Variants in EYA4 observed in about 807,000 individuals in gnomAD.
EYA4 encodes protein phosphatase EYA4.
A neutral mutation model predicts 87.9 loss-of-function variants in EYA4; 31 were observed. The observed-to-expected ratio is 0.35, with a 90% confidence interval of 0.27 to 0.48. The LOEUF is 0.48. EYA4 is among the 20% of genes least tolerant of loss of function. EYA4 has a pLI of 0.99. For missense variants in EYA4, 678 were observed against 761.4 expected (o/e 0.89, Z 1.29); for synonymous variants, 263 against 270.6 (o/e 0.97, Z 0.28).
chr6:133,400,567 A>G (rs1265541218), intron 3 of EYA4, among the ~76,000 whole-genome samples: 2 of 152,126 alleles, frequency 1.3e-5, no homozygotes, highest in African/African-American at 4.8e-5. Flanking sequence ...TGCATAAATA[A>G]TCTGTTCTAA....
At chr6:133,455,867 G>A (rs1793856251) in intron 5 of EYA4, among the ~76,000 whole-genome samples, 1 of 152,038 alleles carries the variant, frequency 6.6e-6, no homozygotes, top group Non-Finnish European at 1.5e-5. Context: ...AGGCCACTTT[G>A]TTACCAAGCA....
chr6:133,264,837 T>C (rs1440540208), intron 1 of EYA4, among the ~76,000 whole-genome samples: 1 of 152,112 alleles, frequency 6.6e-6, no homozygotes, highest in East Asian at 1.9e-4. Context: ...TTTCTTTCTT[T>C]CTTTTCTCTA....
intron 2 of EYA4, among the ~76,000 whole-genome samples, chr6:133,357,132 T>G (rs1367959295): frequency 1.4e-4 from 21 of 151,258 alleles, no homozygotes; most frequent in Admixed American, 2.0e-4. Context: ...TTAGCCGGGC[T>G]TCGTGGCGGG....
chr6:133,295,396 G>A (rs78542757), intron 2 of EYA4, among the ~76,000 whole-genome samples: 1 of 152,278 alleles, frequency 6.6e-6, no homozygotes, highest in East Asian at 1.9e-4. Flanking sequence ...TTAAAGTTTT[G>A]CATTGAGATT....
chr6:133,434,978 G>A (rs1256621268), intron 3 of EYA4: 1 of 152,178 alleles, frequency 6.6e-6, no homozygotes, highest in Non-Finnish European at 1.5e-5. Flanking sequence ...TGAATCCTGT[G>A]CCATTCAAAT....
chr6:133,275,957 G>T (rs1339852853), intron 2 of EYA4, among the ~76,000 whole-genome samples: 1 of 152,134 alleles, frequency 6.6e-6, no homozygotes, highest in Non-Finnish European at 1.5e-5. Flanking sequence ...CTTTAGTAAG[G>T]TAAACAGAAA....
At chr6:133,282,851 G>C (rs1777740184) in intron 2 of EYA4, among the ~76,000 whole-genome samples, 1 of 152,166 alleles carries the variant, frequency 6.6e-6, no homozygotes, top group Admixed American at 6.5e-5. Flanking sequence ...GCTAATTCTG[G>C]TCTGGTGAGT....
intron 1 of EYA4, among the ~76,000 whole-genome samples, chr6:133,273,941 A>T (rs1455211221): frequency 6.6e-6 from 1 of 151,846 alleles, no homozygotes; most frequent in Non-Finnish European, 1.5e-5. Context: ...GTTTTAAAAG[A>T]GAGAGCAAGA....
At chr6:133,463,546 T>C (rs1323147020) in intron 9 of EYA4, among the ~76,000 whole-genome samples, 1 of 151,706 alleles carries the variant, frequency 6.6e-6, no homozygotes, top group Non-Finnish European at 1.5e-5. Flanking sequence ...TTTTTAGTAG[T>C]GACGGGGTTT....
rs572687306 is a variant in EYA4 at position 133,244,247 on chromosome 6, T to C, written c.-66+2498T>C. 4.1e-3 allele frequency among the ~76,000 whole-genome samples: 618 copies of C among 152,324 alleles called. 3 individuals are homozygous for C. The highest frequency in any genetic ancestry group is 0.014 in the African/African-American group (588 of 41,580). On this transcript the variant is annotated intron_variant, in intron 1 of 19. Transcript: ENST00000355286. ...AAAGACCATTGTAACTACCGGTTGG[T>C]TCACAATTATAACTAAAATAAGATT...
In EYA4 at chr6:133,530,088, A is replaced by G. The variant is rs1364577894; in HGVS notation, c.*1283A>G. The G allele has an allele frequency of 1.0e-6, 1 of 985,134 alleles. No individual in the cohort carries two copies. The highest frequency in any genetic ancestry group is 1.1e-4 in the East Asian group (1 of 8,826). The allele number at this position is 985,134 out of a possible 1,614,324, so 61.0% of individuals were successfully genotyped here. On this transcript the variant is annotated 3_prime_UTR_variant, in exon 20 of 20. Transcript: ENST00000355286. ...AGGCAGTTCTCCCAGATGGTGTCTAATGAAAGCAATGAGTCTATGAAAATT... is the reference window on the plus strand; with the variant it reads ...AGGCAGTTCTCCCAGATGGTGTCTAGTGAAAGCAATGAGTCTATGAAAATT...
At chr6:133,344,982 GCCTT>G (rs1783084372) in intron 2 of EYA4, among the ~76,000 whole-genome samples, 1 of 152,024 alleles carries the variant, frequency 6.6e-6, no homozygotes, top group South Asian at 2.1e-4. Context: ...TTAAATAGAT[GCCTT>G]CCATTTTAGA....
intron 11 of EYA4, among the ~76,000 whole-genome samples, chr6:133,480,820 T>G (rs1296382858): frequency 6.6e-6 from 1 of 151,660 alleles, no homozygotes; most frequent in African/African-American, 2.4e-5. Context: ...ATAGCACTAG[T>G]ATGCACTATT....
chr6:133,354,937 A>G (rs9389072), intron 2 of EYA4, among the ~76,000 whole-genome samples: 4,747 of 152,294 alleles, frequency 0.031, 174 homozygotes, highest in East Asian at 0.2. Context: ...GAGTCTTTCT[A>G]TACAACCTTG....
rs1800843817 is a variant in EYA4 at position 133,528,891 on chromosome 6, T to C, written c.*86T>C. 1 of 1,607,306 alleles carries C rather than the reference T, an allele frequency of 6.2e-7. No homozygotes were observed. The highest frequency in any genetic ancestry group is 1.3e-5 in the African/African-American group (1 of 74,736). The stretch of plus-strand genomic sequence containing the variant: ...GATTCAATGCCTCTGGCTCTACACA[T>C]ATAAATTGTCTTAATGGATGAAATC... On this transcript the variant is annotated 3_prime_UTR_variant, in exon 20 of 20. Transcript: ENST00000355286.
intron 3 of EYA4, among the ~76,000 whole-genome samples, chr6:133,385,003 C>G (rs1428481205): frequency 2.6e-5 from 4 of 151,678 alleles, no homozygotes; most frequent in African/African-American, 9.7e-5. Flanking sequence ...CTTTTTTGCT[C>G]ATTAAGAACC....
rs76532798 is a variant in EYA4 at position 133,414,896 on chromosome 6, A to G, written c.84-31734A>G. On this transcript the variant is annotated intron_variant, in intron 3 of 19. Transcript: ENST00000355286. ...AGGTGGGTGACGTTATATGTCAGTT[A>G]TGGACTTTTATTGATATACTTAGAG... Among the ~76,000 whole-genome samples the G allele has an allele frequency of 1.1e-4, 17 of 152,294 alleles. No homozygotes were observed. In the South Asian group the frequency reaches 3.1e-3, roughly 28 times the overall value.
intron 1 of EYA4, among the ~76,000 whole-genome samples, chr6:133,266,455 A>C (rs1776233243): frequency 6.6e-6 from 1 of 152,154 alleles, no homozygotes; most frequent in Non-Finnish European, 1.5e-5. Context: ...CAGAACTGTG[A>C]GAATAGATTT....
intron 19 of EYA4, chr6:133,525,936 T>C: frequency 1.0e-6 from 1 of 985,216 alleles, no homozygotes; most frequent in Non-Finnish European, 1.2e-6. Context: ...GTTTCATCTG[T>C]TTTGGTGAGC....
Sources: allele counts gnomAD v4.1 joint callset (sites outside exome capture counted in the v4.1 genomes callset), GRCh38; gene constraint gnomAD v4.1.1; transcripts MANE v1.5; gene names NCBI Gene and HGNC (gene_info 2026-07-23, HGNC 2026-07-21).